CPVL: variants seen among roughly 807,000 people sequenced by gnomAD.
CPVL encodes the protein carboxypeptidase vitellogenic like, also known as probable serine carboxypeptidase CPVL.
In CPVL, 51 loss-of-function variants were observed where a neutral mutation model predicts 63.7. That is an observed-to-expected ratio of 0.80 (90% CI 0.64 to 1.01). The LOEUF (loss-of-function observed/expected upper bound fraction) is 1.01, where lower values mean the gene tolerates loss of function less well. CPVL is among the 50% of genes least tolerant of loss of function. The pLI is 0.00. For missense variants in CPVL, 530 were observed against 573.1 expected (o/e 0.92, Z 0.77); for synonymous variants, 195 against 206.0 (o/e 0.95, Z 0.46).
intron 11 of CPVL, among the ~76,000 whole-genome samples, chr7:29,055,506 C>A (rs1285357571): frequency 4.1e-5 from 6 of 147,258 alleles, no homozygotes. Flanking sequence ...CCACCTCAGC[C>A]TCCCAAAGCA....
chr7:28,995,545 A>G lies in CPVL; in HGVS notation c.*227T>C, dbSNP rs1783976147. The G allele has an allele frequency of 6.6e-6, 3 of 457,382 alleles. No individual in the cohort carries two copies. In the South Asian group the frequency reaches 8.7e-5, roughly 13 times the overall value. The allele number at this position is 457,382 out of a possible 1,614,324, so 28.3% of individuals were successfully genotyped here. On this transcript the variant is annotated 3_prime_UTR_variant, in exon 13 of 13. Coordinates refer to ENST00000265394, the MANE Select transcript of CPVL (RefSeq NM_031311.5). Reference sequence around the variant, plus strand: ...CAGTGTCACATCATCCATACCTTTCATCCTTTAAGTTAAATAATGTAATTC... The same window carrying G: ...CAGTGTCACATCATCCATACCTTTCGTCCTTTAAGTTAAATAATGTAATTC...
chr7:29,123,172 A>G (rs1789545955), intron 1 of CPVL, among the ~76,000 whole-genome samples: 1 of 152,182 alleles, frequency 6.6e-6, no homozygotes, highest in Non-Finnish European at 1.5e-5. Context: ...AAATCTTTTA[A>G]CGACATGCTT....
intron 3 of CPVL, 74 bp from the exon 4 acceptor site, chr7:29,096,291 AC>A: frequency 8.5e-7 from 1 of 1,173,188 alleles, no homozygotes. Flanking sequence ...AAGCAAACTT[AC>A]CCAAATCCTC....
At chr7:29,059,889 A>T (rs1328636002) in intron 11 of CPVL, among the ~76,000 whole-genome samples, 1 of 151,940 alleles carries the variant, frequency 6.6e-6, no homozygotes, top group Non-Finnish European at 1.5e-5. Flanking sequence ...CCCTATATTC[A>T]TCTCTCTCTC....
chr7:29,048,297 CAACT>C (rs1205254381), intron 11 of CPVL, among the ~76,000 whole-genome samples: 8 of 152,106 alleles, frequency 5.3e-5, no homozygotes, highest in African/African-American at 7.2e-5. Context: ...ACTCACCAAC[CAACT>C]ATCTGCTGCC....
At chr7:29,047,410 A>G (rs1369047370) in intron 11 of CPVL, among the ~76,000 whole-genome samples, 1 of 152,250 alleles carries the variant, frequency 6.6e-6, no homozygotes, top group African/African-American at 2.4e-5. Context: ...AGTCTCAGCA[A>G]TAGAACTGAA....
chr7:29,123,487 T>G (rs1258158069), intron 1 of CPVL, among the ~76,000 whole-genome samples: 1 of 150,482 alleles, frequency 6.6e-6, no homozygotes, highest in East Asian at 2.0e-4. Flanking sequence ...TCTATGGCAC[T>G]GTGAAAACAT....
At chr7:29,194,921 C>A (rs1345360945) in intron 1 of CPVL, 4 of 1,548,456 alleles carry the variant, frequency 2.6e-6, no homozygotes, top group Admixed American at 1.9e-5. Flanking sequence ...GAGCGAGCAG[C>A]GACGCGAGGG....
chr7:29,172,503 C>A (rs1796734675), intron 5 of CPVL, among the ~76,000 whole-genome samples: 1 of 152,156 alleles, frequency 6.6e-6, no homozygotes, highest in Non-Finnish European at 1.5e-5. Context: ...CCTTCAGATT[C>A]AGGAAAACCA....
At chr7:29,171,695 C>G (rs1225119503) in intron 5 of CPVL, among the ~76,000 whole-genome samples, 1 of 152,108 alleles carries the variant, frequency 6.6e-6, no homozygotes. Context: ...CAGGCTAAAT[C>G]CAAGCATATG....
intron 1 of CPVL, chr7:29,193,718 C>T (rs1009983976): frequency 3.9e-5 from 6 of 152,324 alleles, no homozygotes; most frequent in African/African-American, 1.4e-4. Flanking sequence ...CTCTCACACA[C>T]CTGAGCAGTT....
intron 7 of CPVL, among the ~76,000 whole-genome samples, chr7:29,078,685 A>T (rs62442651): frequency 0.22 from 33,041 of 152,160 alleles, 4,303 homozygotes; most frequent in East Asian, 0.6. Flanking sequence ...ATTCATTTCC[A>T]ACAAAGCTTA....
At chr7:29,065,889 GACC>G in intron 10 of CPVL, 131 bp downstream of exon 10, 1 of 536,224 alleles carries the variant, frequency 1.9e-6, no homozygotes, top group Non-Finnish European at 3.3e-6. Flanking sequence ...TGGGTTAGTA[GACC>G]ACATCACGCG....
Position 29,005,689 on chromosome 7 carries a change from G to A in CPVL, c.1321-9807C>T, listed in dbSNP as rs117580159. On this transcript the variant is annotated intron_variant, in intron 12 of 12. Coordinates refer to ENST00000265394, the MANE Select transcript of CPVL (RefSeq NM_031311.5). The stretch of plus-strand genomic sequence containing the variant: ...CCAGGAAAGCAAGACCTTACTTGTC[G>A]TAGCAGAATGGCAAAAAACTGTTCT... Among the ~76,000 whole-genome samples, 602 of 152,224 alleles carry A rather than the reference G, an allele frequency of 4.0e-3. 5 individuals carry two copies. Among genetic ancestry groups the A allele is most frequent in the Non-Finnish European group, 5.2e-3 (352 of 68,026 alleles).
intron 11 of CPVL, among the ~76,000 whole-genome samples, chr7:29,037,694 T>C (rs1216940270): frequency 6.6e-6 from 1 of 152,148 alleles, no homozygotes; most frequent in African/African-American, 2.4e-5. Context: ...GGATTAGAAT[T>C]GTGACTTAGG....
chr7:29,083,668 C>G (rs1446655962), intron 7 of CPVL, among the ~76,000 whole-genome samples: 3 of 152,186 alleles, frequency 2.0e-5, no homozygotes, highest in Admixed American at 6.5e-5. Context: ...CAGGCAGAAT[C>G]CTGATGACAA....
chr7:29,061,253 C>T (rs974097957), intron 11 of CPVL, among the ~76,000 whole-genome samples: 11 of 151,544 alleles, frequency 7.3e-5, no homozygotes, highest in Non-Finnish European at 1.3e-4. Flanking sequence ...ACTAAAAATA[C>T]GGAAAAAAAA....
chr7:29,092,339 A>C (rs1411586914), intron 6 of CPVL, among the ~76,000 whole-genome samples: 1 of 152,220 alleles, frequency 6.6e-6, no homozygotes, highest in Non-Finnish European at 1.5e-5. Flanking sequence ...CTGAGAAACA[A>C]ACAAATATCT....
At chr7:29,050,681 C>A (rs186226110) in intron 11 of CPVL, among the ~76,000 whole-genome samples, 1 of 151,940 alleles carries the variant, frequency 6.6e-6, no homozygotes, top group African/African-American at 2.4e-5. Context: ...AAACAATCTA[C>A]AAATTCAATG....
Sources: gnomAD v4.1 joint callset for allele counts (sites outside exome capture counted in the v4.1 genomes callset) on GRCh38, gnomAD v4.1.1 for gene constraint, MANE v1.5 for transcripts, NCBI Gene and HGNC (gene_info 2026-07-23, HGNC 2026-07-21) for gene names.